NRG3: variants seen among roughly 807,000 people sequenced by gnomAD.
The protein encoded by NRG3 is pro-neuregulin-3, membrane-bound isoform.
A neutral mutation model predicts 66.9 loss-of-function variants in NRG3; 31 were observed. The ratio of observed to expected loss-of-function variants is 0.46; its 90% CI spans 0.35 to 0.63. The LOEUF (loss-of-function observed/expected upper bound fraction) is 0.63. Among genes scored for constraint, NRG3 ranks in the 20% least tolerant of loss-of-function variants. The pLI, the probability that NRG3 is intolerant of heterozygous loss-of-function variation, is 0.00. For synonymous variants in NRG3, 393 were observed against 359.4 expected (o/e 1.09, Z -1.06); for missense variants, 910 against 878.9 (o/e 1.04, Z -0.45).
At chr10:82,601,481 T>G (rs188123159) in intron 2 of NRG3, among the ~76,000 whole-genome samples, 2 of 152,316 alleles carry the variant, frequency 1.3e-5, no homozygotes, top group Admixed American at 1.3e-4. Flanking sequence ...TTGGGAGTAC[T>G]GAATCAAATG....
At chr10:81,977,038 G>A (rs1019429175) in intron 1 of NRG3, among the ~76,000 whole-genome samples, 1 of 152,136 alleles carries the variant, frequency 6.6e-6, no homozygotes, top group Non-Finnish European at 1.5e-5. Flanking sequence ...TACAACAATG[G>A]TTATGCTACA....
At chr10:82,769,410 G>A (rs2059632037) in intron 3 of NRG3, among the ~76,000 whole-genome samples, 1 of 151,884 alleles carries the variant, frequency 6.6e-6, no homozygotes, top group Admixed American at 6.6e-5. Flanking sequence ...GTATTTTAAT[G>A]GATTCTGGGC....
intron 1 of NRG3, among the ~76,000 whole-genome samples, chr10:82,159,820 A>T (rs2071447339): frequency 6.6e-6 from 1 of 151,824 alleles, no homozygotes; most frequent in African/African-American, 2.4e-5. Context: ...AGAAGAAGTC[A>T]CTCTTCTAAA....
chr10:82,274,774 C>A (rs2078761331), intron 1 of NRG3, among the ~76,000 whole-genome samples: 3 of 151,974 alleles, frequency 2.0e-5, no homozygotes, highest in Admixed American at 6.6e-5. Context: ...TATGTTTTTG[C>A]ATACTATAGT....
chr10:82,541,259 C>T lies in NRG3; in HGVS notation c.953+182391C>T, dbSNP rs189653243. Reference sequence around the variant, plus strand: ...GTAGAAATAAATTTAGATATAAATACGCATGCATATACGTATATGTATATC... The same window carrying T: ...GTAGAAATAAATTTAGATATAAATATGCATGCATATACGTATATGTATATC... On this transcript the variant is annotated intron_variant, in intron 2 of 8. Transcript: ENST00000372141. Among the ~76,000 whole-genome samples, 35 of 152,080 alleles carry T rather than the reference C, an allele frequency of 2.3e-4. 1 individual carries two copies. The highest frequency in any genetic ancestry group is 6.5e-4 in the African/African-American group (27 of 41,482).
chr10:82,109,408 C>T (rs1417800579), intron 1 of NRG3, among the ~76,000 whole-genome samples: 1 of 152,138 alleles, frequency 6.6e-6, no homozygotes, highest in African/African-American at 2.4e-5. Context: ...CTGCTAAGCG[C>T]TCTATCCTAT....
At chr10:82,721,204 T>C in intron 2 of NRG3, among the ~76,000 whole-genome samples, 1 of 124,100 alleles carries the variant, frequency 8.1e-6, no homozygotes, top group Non-Finnish European at 1.6e-5. Flanking sequence ...TGATCTCCGC[T>C]CACTGCAAGC....
chr10:81,932,158 G>T (rs1402035594), intron 1 of NRG3, among the ~76,000 whole-genome samples: 2 of 151,796 alleles, frequency 1.3e-5, no homozygotes, highest in Non-Finnish European at 2.9e-5. Flanking sequence ...GAAAGCAGGA[G>T]AGAGAGATTG....
intron 1 of NRG3, among the ~76,000 whole-genome samples, chr10:81,937,447 T>C (rs964738217): frequency 6.6e-6 from 1 of 152,128 alleles, no homozygotes; most frequent in African/African-American, 2.4e-5. Context: ...TTATTATTAT[T>C]TTTAATAATG....
intron 1 of NRG3, among the ~76,000 whole-genome samples, chr10:82,228,407 G>A (rs1165596101): frequency 6.6e-6 from 1 of 152,048 alleles, no homozygotes; most frequent in Admixed American, 6.5e-5. Context: ...ATCACATTGT[G>A]GTCATGTTTT....
At chr10:82,816,592 C>G (rs2061715686) in intron 3 of NRG3, among the ~76,000 whole-genome samples, 1 of 151,996 alleles carries the variant, frequency 6.6e-6, no homozygotes, top group Admixed American at 6.6e-5. Context: ...TGGCCGTGGA[C>G]TCCACCTGGA....
intron 1 of NRG3, among the ~76,000 whole-genome samples, chr10:82,137,012 A>G (rs1354610579): frequency 6.6e-6 from 1 of 152,206 alleles, no homozygotes; most frequent in Non-Finnish European, 1.5e-5. Flanking sequence ...ATGTCAAAAC[A>G]AGGTACTGTG....
chr10:82,426,215 C>T (rs1029913447), intron 2 of NRG3, among the ~76,000 whole-genome samples: 3 of 152,082 alleles, frequency 2.0e-5, no homozygotes, highest in Non-Finnish European at 2.9e-5. Context: ...ACTCTGAGAC[C>T]CCTGGTGGGA....
intron 2 of NRG3, among the ~76,000 whole-genome samples, chr10:82,535,449 AG>A (rs1005021040): frequency 3.3e-5 from 5 of 152,068 alleles, no homozygotes; most frequent in African/African-American, 1.2e-4. Flanking sequence ...AAATATTTAA[AG>A]GGTTTTTGGT....
At chr10:81,883,907 G>A (rs979176655) in intron 1 of NRG3, among the ~76,000 whole-genome samples, 2 of 150,102 alleles carry the variant, frequency 1.3e-5, no homozygotes, top group East Asian at 4.0e-4. Context: ...AAGAATTTAA[G>A]TAATAATAAA....
intron 2 of NRG3, among the ~76,000 whole-genome samples, chr10:82,610,186 C>T (rs551025662): frequency 5.9e-5 from 9 of 152,318 alleles, no homozygotes; most frequent in Admixed American, 5.2e-4. Flanking sequence ...ACCCTCCTCA[C>T]GCTTCAATCT....
At chr10:82,488,094 A>G (rs1216163446) in intron 2 of NRG3, among the ~76,000 whole-genome samples, 2 of 152,200 alleles carry the variant, frequency 1.3e-5, no homozygotes, top group Non-Finnish European at 2.9e-5. Flanking sequence ...AATGGGAGAT[A>G]TAATTATGAG....
chr10:82,968,472 G>A (rs1457142628), intron 6 of NRG3, among the ~76,000 whole-genome samples: 2 of 152,148 alleles, frequency 1.3e-5, no homozygotes, highest in Non-Finnish European at 2.9e-5. Context: ...TGAAATAACA[G>A]ATTTAGGAAA....
Position 82,361,587 on chromosome 10 carries a change from C to T in NRG3, c.953+2719C>T, listed in dbSNP as rs147085943. On this transcript the variant is annotated intron_variant, in intron 2 of 8. Coordinates refer to ENST00000372141, the MANE Select transcript of NRG3 (RefSeq NM_001010848.4). The stretch of plus-strand genomic sequence containing the variant: ...CTATTCAACAAATGTTTACTGAGCA[C>T]CTCCTATCACTAAGATACTATTGAA... 3.1e-4 allele frequency among the ~76,000 whole-genome samples: 47 copies of T among 152,246 alleles called. No individual in the cohort carries two copies. The East Asian group carries it at 5.4e-3, about 18-fold the overall frequency.
Sources: gnomAD v4.1 joint callset for allele counts (sites outside exome capture counted in the v4.1 genomes callset) on GRCh38, gnomAD v4.1.1 for gene constraint, MANE v1.5 for transcripts, NCBI Gene and HGNC (gene_info 2026-07-23, HGNC 2026-07-21) for gene names.